Variants in AAGAB observed in about 807,000 individuals in gnomAD.
The protein encoded by AAGAB is alpha- and gamma-adaptin-binding protein p34.
A neutral mutation model predicts 44.1 loss-of-function variants in AAGAB; 38 were observed. The ratio of observed to expected loss-of-function variants is 0.86; its 90% CI spans 0.67 to 1.13. The LOEUF (loss-of-function observed/expected upper bound fraction) is 1.13, where lower values mean the gene tolerates loss of function less well. Ranked by LOEUF, AAGAB falls within the 50% of genes most tolerant of loss-of-function variation. AAGAB has a pLI of 0.00. For synonymous variants in AAGAB, 131 were observed against 131.8 expected (o/e 0.99, Z 0.04); for missense variants, 450 against 373.8 (o/e 1.20, Z -1.68).
At chr15:67,231,755 T>C in intron 5 of AAGAB, 59 bp downstream of exon 5, 1 of 1,349,888 alleles carries the variant, frequency 7.4e-7, no homozygotes, top group South Asian at 1.2e-5. Context: ...TATATCTCAA[T>C]AATTTAAAAC....
intron 5 of AAGAB, among the ~76,000 whole-genome samples, chr15:67,213,748 C>T (rs1963878462): frequency 6.6e-6 from 1 of 152,082 alleles, no homozygotes; most frequent in Non-Finnish European, 1.5e-5. Context: ...CAATATTTAC[C>T]TTGCAAAATT....
chr15:67,253,153 G>A (rs548370254), intron 1 of AAGAB, among the ~76,000 whole-genome samples: 182 of 152,036 alleles, frequency 1.2e-3, no homozygotes, highest in African/African-American at 4.1e-3. Flanking sequence ...CGGGCGCGGT[G>A]GTGACTCACA....
At chr15:67,240,920 A>C (rs147531886) in intron 1 of AAGAB, among the ~76,000 whole-genome samples, 2 of 152,266 alleles carry the variant, frequency 1.3e-5, no homozygotes, top group East Asian at 3.9e-4. Context: ...ATGAAAGAAA[A>C]GAGGCAGCTG....
Position 67,202,717 on chromosome 15 carries a change from G to T in AAGAB, c.*104C>A. 9.6e-7 allele frequency: 1 copy of T among 1,041,766 alleles called. No individual in the cohort carries two copies. The highest frequency in any genetic ancestry group is 1.5e-6 in the Non-Finnish European group (1 of 669,488). 64.5% of individuals were successfully genotyped at this position (1,041,766 alleles called of 1,614,324 possible). A position where few individuals can be genotyped will look rare whatever the true frequency, so the allele number is the denominator to read the frequency against. ...GGGGACCCTATAAACAAGTCAGGCA[G>T]CCAACATGATAAGGGCAATTTTGGC... On this transcript the variant is annotated 3_prime_UTR_variant, in exon 10 of 10. Transcript: ENST00000261880.
rs770095615 is a variant in AAGAB, at chr15:67,203,584, C to A, written c.834G>T (p.Thr278=). The A allele has an allele frequency of 6.2e-7, 1 of 1,613,516 alleles. No individual in the cohort carries two copies. Among genetic ancestry groups the A allele is most frequent in the South Asian group, 1.1e-5 (1 of 91,038 alleles). ...KLKEMKDKAA[T]LPHEQRKVHA... is the part of the protein sequence containing the mutation. ...GCACTTTTCTTTGCTCATGAGGAAG[C>A]GTCGCAGCCTTGTCTAGGGGGAAAA... Residue 278 remains threonine (T), a synonymous_variant, in exon 9 of 10, where the codon ACG becomes ACT. Transcript: ENST00000261880.
intron 4 of AAGAB, among the ~76,000 whole-genome samples, chr15:67,234,325 C>T (rs1452723884): frequency 1.3e-5 from 2 of 152,090 alleles, no homozygotes; most frequent in African/African-American, 4.8e-5. Flanking sequence ...CCACCAATGT[C>T]TGGATGAAGA....
intron 1 of AAGAB, among the ~76,000 whole-genome samples, chr15:67,243,576 A>C (rs1964654760): frequency 6.6e-6 from 1 of 152,188 alleles, no homozygotes; most frequent in Non-Finnish European, 1.5e-5. Context: ...ACTGCTAAAC[A>C]TCCATCCTAC....
At chr15:67,202,959 G>T in intron 9 of AAGAB, 61 bp from the exon 10 acceptor site, 2 of 1,510,692 alleles carry the variant, frequency 1.3e-6, no homozygotes, top group South Asian at 1.1e-5. Context: ...TGTTTCATAT[G>T]TCATACCTTA....
At chr15:67,253,847 C>A (rs930802987) in intron 1 of AAGAB, among the ~76,000 whole-genome samples, 2 of 152,112 alleles carry the variant, frequency 1.3e-5, no homozygotes, top group Non-Finnish European at 2.9e-5. Flanking sequence ...TGATTCTAAG[C>A]CATACACTTA....
chr15:67,254,964 C>T (rs766788620), upstream of AAGAB: 3 of 1,610,324 alleles, frequency 1.9e-6, no homozygotes, highest in East Asian at 6.7e-5. Context: ...AACGGGCTTC[C>T]CCCGGCCCTG....
chr15:67,227,674 G>A (rs370850893), intron 5 of AAGAB, among the ~76,000 whole-genome samples: 1 of 152,190 alleles, frequency 6.6e-6, no homozygotes, highest in Admixed American at 6.5e-5. Context: ...CGGATCACCA[G>A]CAAAGCAGGC....
chr15:67,243,711 A>G (rs1964657636), intron 1 of AAGAB, among the ~76,000 whole-genome samples: 1 of 152,236 alleles, frequency 6.6e-6, no homozygotes, highest in East Asian at 1.9e-4. Context: ...TATTCATGAA[A>G]CAAAATAAAA....
chr15:67,238,930 C>T (rs1489344005), intron 1 of AAGAB, among the ~76,000 whole-genome samples: 4 of 152,104 alleles, frequency 2.6e-5, no homozygotes, highest in Admixed American at 1.3e-4. Context: ...CTCCTGACCT[C>T]GTGATCCGCC....
At chr15:67,221,237 C>A (rs1964058409) in intron 5 of AAGAB, 1 of 152,168 alleles carries the variant, frequency 6.6e-6, no homozygotes, top group Non-Finnish European at 1.5e-5. Context: ...AAGCTAGTAA[C>A]AAGGTAGAAG....
upstream of AAGAB, chr15:67,254,964 C>CCCGG: frequency 1.2e-6 from 2 of 1,610,442 alleles, no homozygotes; most frequent in Non-Finnish European, 1.7e-6. Context: ...AACGGGCTTC[C>CCCGG]CCCGGCCCTG....
chr15:67,235,982 C>A lies in AAGAB; in HGVS notation c.448G>T (p.Asp150Tyr). The change falls in exon 4 of 10, where the codon GAT (aspartate) becomes TAT (tyrosine). Residue 150 changes from aspartate (D) to tyrosine (Y), a missense_variant. By Grantham distance (160) the Asp-to-Tyr change is radical (BLOSUM62 -3). Transcript: ENST00000261880. ...CTCCTAACACATAAACACTTACCAT[C>A]CTCCTCAGGCAACTCCTCTGGACTA... ...ELSPEELPEE[D>Y]DDFPESTGVK... 1 of 1,603,430 alleles carries A rather than the reference C, an allele frequency of 6.2e-7. No individual in the cohort carries two copies. The highest frequency in any genetic ancestry group is 1.1e-5 in the South Asian group (1 of 89,960).
chr15:67,242,110 G>A (rs982583961), intron 1 of AAGAB, among the ~76,000 whole-genome samples: 1 of 152,160 alleles, frequency 6.6e-6, no homozygotes, highest in Non-Finnish European at 1.5e-5. Flanking sequence ...TAACCAGCAA[G>A]CGAAAAGACA....
In AAGAB at chr15:67,235,885, AG is replaced by A. The variant is rs959984523; in HGVS notation, c.451+93del. 14 of 966,756 alleles carry A rather than the reference AG, an allele frequency of 1.4e-5. No individual in the cohort carries two copies. In the African/African-American group the frequency reaches 2.1e-4, roughly 15 times the overall value. 59.9% of individuals were successfully genotyped at this position (966,756 alleles called of 1,614,324 possible). On this transcript the variant is annotated intron_variant, in intron 4 of 9. Coordinates refer to ENST00000261880, the MANE Select transcript of AAGAB (RefSeq NM_024666.5). ...AATCCTTGAAACAGCTGGGGAAAAA[AG>A]TTTCTTGAATTTTGCTGTGATTCTT...
chr15:67,229,295 T>C (rs1964278310), intron 5 of AAGAB, among the ~76,000 whole-genome samples: 1 of 151,348 alleles, frequency 6.6e-6, no homozygotes, highest in Admixed American at 6.6e-5. Context: ...TAGCTGGGAG[T>C]GGTGGTGCGC....
Sources: gnomAD v4.1 joint callset for allele counts (sites outside exome capture counted in the v4.1 genomes callset) on GRCh38, gnomAD v4.1.1 for gene constraint, MANE v1.5 for transcripts, NCBI Gene and HGNC (gene_info 2026-07-23, HGNC 2026-07-21) for gene names.